Variants in CHD5 observed in about 807,000 individuals in gnomAD.
CHD5 encodes ATP-dependent chromatin remodeler CHD5.
Under a neutral mutation model 230.3 loss-of-function variants are expected in CHD5, and 69 were observed. That is an observed-to-expected ratio of 0.30 (90% confidence interval 0.25 to 0.37). The LOEUF is 0.37. Among genes scored for constraint, CHD5 ranks in the 10% least tolerant of loss-of-function variants. The probability of loss-of-function intolerance (pLI) is 1.00; values close to 1 mark genes in which losing one functional copy is unlikely to be tolerated. For missense variants in CHD5, 1,827 were observed against 2,622.8 expected (o/e 0.70, Z 6.63); for synonymous variants, 1,064 against 1,065.9 (o/e 1.00, Z 0.03).
intron 20 of CHD5, among the ~76,000 whole-genome samples, chr1:6,132,875 T>G (rs983174148): frequency 6.7e-6 from 1 of 148,194 alleles, no homozygotes; most frequent in Non-Finnish European, 1.5e-5. Flanking sequence ...GGCTATCCTA[T>G]TCTTTTCTCT....
chr1:6,148,583 G>T (rs907760436), intron 9 of CHD5, among the ~76,000 whole-genome samples: 2 of 152,190 alleles, frequency 1.3e-5, no homozygotes, highest in Admixed American at 1.3e-4. Flanking sequence ...AACAGTGGTC[G>T]CGGTGTTGGC....
intron 38 of CHD5, among the ~76,000 whole-genome samples, chr1:6,107,308 G>T (rs1219990891): frequency 7.0e-6 from 1 of 142,908 alleles, no homozygotes; most frequent in Non-Finnish European, 1.5e-5. Flanking sequence ...GAGAGATGGA[G>T]GGATGATGAA....
At chr1:6,175,354 T>A (rs1667408948) in intron 1 of CHD5, among the ~76,000 whole-genome samples, 1 of 117,900 alleles carries the variant, frequency 8.5e-6, no homozygotes, top group Non-Finnish European at 1.6e-5. Flanking sequence ...GATGAGTGGA[T>A]GGTGGATGGA....
At position 6,142,056 on chromosome 1, in the gene CHD5, G is replaced by A; in HGVS notation, c.2436+72C>T. The A allele has an allele frequency of 2.2e-6, 3 of 1,378,350 alleles. 1 individual carries two copies. The highest frequency in any genetic ancestry group is 2.4e-5 in the South Asian group (2 of 83,298). 85.4% of individuals were successfully genotyped at this position (1,378,350 alleles called of 1,614,324 possible). A position where few individuals can be genotyped will look rare whatever the true frequency, so the allele number is the denominator to read the frequency against. The stretch of plus-strand genomic sequence containing the variant: ...CCAGGCTGAGGGACCCCAAAGGAGT[G>A]CACGGCACCCGTGGTCCCTGAACTA... On this transcript the variant is annotated intron_variant, in intron 15 of 41. Transcript: ENST00000262450. The surrounding 1 kb of genome is among the most constrained non-coding windows in gnomAD (Gnocchi z 5.2).
chr1:6,159,296 G>T, intron 3 of CHD5, 40 bp downstream of exon 3: 2 of 1,549,462 alleles, frequency 1.3e-6, no homozygotes, highest in Non-Finnish European at 1.7e-6. Flanking sequence ...CCTTAAAGGG[G>T]GATGTCGCTC....
Position 6,126,755 on chromosome 1 carries a change from G to C in CHD5, c.3904-9C>G. ...TCCCGCTCCACCTCCTCCTGGGGAC[G>C]CAGCACCACGGGTTCCATGGGTGGA... is the stretch of plus-strand genomic sequence containing the variant. On this transcript the variant is annotated splice_polypyrimidine_tract_variant and intron_variant, in intron 25 of 41. Transcript: ENST00000262450. The surrounding 1 kb of genome is among the most constrained non-coding windows in gnomAD (Gnocchi z 5.7). 6.2e-7 allele frequency: 1 copy of C among 1,611,430 alleles called. No homozygotes were observed. The highest frequency in any genetic ancestry group is 1.1e-5 in the South Asian group (1 of 90,888).
At position 6,179,962 on chromosome 1, in the gene CHD5, T is replaced by G; in HGVS notation, c.62A>C (p.Asn21Thr). The G allele has an allele frequency of 6.6e-6, 9 of 1,354,516 alleles. No individual in the cohort carries two copies. The highest frequency in any genetic ancestry group is 7.7e-6 in the Non-Finnish European group (8 of 1,037,474). 83.9% of individuals were successfully genotyped at this position (1,354,516 alleles called of 1,614,324 possible). A position where few individuals can be genotyped will look rare whatever the true frequency, so the allele number is the denominator to read the frequency against. Residue 21 changes from asparagine (N) to threonine (T), a missense_variant, in exon 1 of 42, where the codon AAT (asparagine) becomes ACT (threonine). Transcript: ENST00000262450. The part of the protein sequence containing the change: ...LPRLFAEEME[N>T]EDEMSEEEDG... ...CCGCTCACCTGACATCTCGTCCTCA[T>G]TCTCCATCTCCTCGGCGAACAGCCG...
At chr1:6,165,142 G>C (rs938247695) in intron 2 of CHD5, among the ~76,000 whole-genome samples, 1 of 152,184 alleles carries the variant, frequency 6.6e-6, no homozygotes, top group Non-Finnish European at 1.5e-5. Context: ...ATGGCCCTGG[G>C]AATGAGAGCG....
chr1:6,101,841 A>C lies in CHD5; in HGVS notation c.*3633T>G, dbSNP rs1666061583. 2 of 217,788 alleles carry C rather than the reference A, an allele frequency of 9.2e-6. No individual in the cohort carries two copies. Among genetic ancestry groups the C allele is most frequent in the Non-Finnish European group, 1.9e-5 (2 of 103,200 alleles). The allele number at this position is 217,788 out of a possible 1,614,324, so 13.5% of individuals were successfully genotyped here. ...ACACAGAAAACCAAAACATACACACAGAGTACAAAGTAAAGGTGATTGTGT... is the reference window on the plus strand; with the variant it reads ...ACACAGAAAACCAAAACATACACACCGAGTACAAAGTAAAGGTGATTGTGT... On this transcript the variant is annotated 3_prime_UTR_variant, in exon 42 of 42. Coordinates refer to ENST00000262450, the MANE Select transcript of CHD5 (RefSeq NM_015557.3).
rs1666636867 is a variant in CHD5, at chr1:6,130,445, G to A, written c.3263-117C>T. On this transcript the variant is annotated intron_variant, in intron 21 of 41. Coordinates refer to ENST00000262450, the MANE Select transcript of CHD5 (RefSeq NM_015557.3). The surrounding 1 kb of genome is among the most constrained non-coding windows in gnomAD (Gnocchi z 4.9). ...GCAGCAACAGATCCCTGGCAGAGAA[G>A]GACAAAGCCGGAGACCCCATCAGAG... The A allele has an allele frequency of 1.0e-6, 1 of 960,616 alleles. No individual in the cohort carries two copies. The highest frequency in any genetic ancestry group is 1.5e-6 in the Non-Finnish European group (1 of 647,434). The allele number at this position is 960,616 out of a possible 1,614,324, so 59.5% of individuals were successfully genotyped here.
chr1:6,153,526 C>G (rs1424123418), intron 5 of CHD5, among the ~76,000 whole-genome samples: 1 of 152,168 alleles, frequency 6.6e-6, no homozygotes, highest in Non-Finnish European at 1.5e-5. Context: ...CCCCTCAGCC[C>G]CTTCCATCAA....
chr1:6,159,410 C>A lies in CHD5; in HGVS notation c.313G>T (p.Asp105Tyr). The A allele has an allele frequency of 6.4e-7, 1 of 1,558,198 alleles. No individual in the cohort carries two copies. The change falls in exon 3 of 42, where the codon GAC becomes TAC. Residue 105 changes from aspartate (D) to tyrosine (Y), a missense_variant. Transcript: ENST00000262450. ...CGCTTGGCTTTTTTCTCCTTCTTGT[C>A]CTTGAGTTTCTTCTTCTTCTTTTTA... is the stretch of plus-strand genomic sequence containing the variant. ...PNKKKKKKLK[D>Y]KKEKKAKRKK... is the part of the protein sequence containing the mutation.
rs1667050380 is a variant in CHD5, at chr1:6,154,492, A to G, written c.745+168T>C. 6.6e-6 allele frequency among the ~76,000 whole-genome samples: 1 copy of G among 152,188 alleles called. No homozygotes were observed. Among genetic ancestry groups the G allele is most frequent in the Admixed American group, 6.5e-5 (1 of 15,286 alleles). On this transcript the variant is annotated intron_variant, in intron 5 of 41. Transcript: ENST00000262450. The surrounding 1 kb of genome is among the most constrained non-coding windows in gnomAD (Gnocchi z 7.0). Reference sequence around the variant, plus strand: ...ACAAAAGAGGCGACGATGCTGCCTCACTGCTGAGAAAGGACCGGGCAATCC... The same window carrying G: ...ACAAAAGAGGCGACGATGCTGCCTCGCTGCTGAGAAAGGACCGGGCAATCC...
In CHD5 at chr1:6,134,038, G is replaced by T. The variant is rs1033007763; in HGVS notation, c.3144+90C>A. The stretch of plus-strand genomic sequence containing the variant: ...ATGGGAACGGCACTGGGCCCTGAGG[G>T]GTGCCAGCAAGTTTGCGCCCCCAAG... On this transcript the variant is annotated intron_variant, in intron 20 of 41. Coordinates refer to ENST00000262450, the MANE Select transcript of CHD5 (RefSeq NM_015557.3). The surrounding 1 kb of genome is among the most constrained non-coding windows in gnomAD (Gnocchi z 6.3). 23 of 1,318,352 alleles carry T rather than the reference G, an allele frequency of 1.7e-5. No individual in the cohort carries two copies. Among genetic ancestry groups the T allele is most frequent in the Non-Finnish European group, 2.3e-5 (22 of 945,020 alleles). The allele number at this position is 1,318,352 out of a possible 1,614,324, so 81.7% of individuals were successfully genotyped here. A position where few individuals can be genotyped will look rare whatever the true frequency, so the allele number is the denominator to read the frequency against.
rs1163057447 is a variant in CHD5, at chr1:6,146,492, C to G, written c.1591-69G>C. ...TGGTCCCCTGCATCTCCCTACCCAG[C>G]TCCTCTAGCCCCAGCCCAGGTCCCA... On this transcript the variant is annotated intron_variant, in intron 10 of 41. Transcript: ENST00000262450. The surrounding 1 kb of genome is among the most constrained non-coding windows in gnomAD (Gnocchi z 5.1). 6.7e-7 allele frequency: 1 copy of G among 1,502,504 alleles called. No homozygotes were observed. Among genetic ancestry groups the G allele is most frequent in the Admixed American group, 1.7e-5 (1 of 57,384 alleles). The allele number at this position is 1,502,504 out of a possible 1,614,324, so 93.1% of individuals were successfully genotyped here. A position where few individuals can be genotyped will look rare whatever the true frequency, so the allele number is the denominator to read the frequency against.
Position 6,134,659 on chromosome 1 carries a change from CCACAGGCACCTACCATGGCGGT to C in CHD5, c.3012+37_3012+58del, listed in dbSNP as rs1353851287. The C allele has an allele frequency of 1.0e-3, 1,565 of 1,545,622 alleles. 7 individuals carry two copies. In the African/African-American group the frequency reaches 0.026, roughly 26 times the overall value. On this transcript the variant is annotated intron_variant, in intron 19 of 41. Coordinates refer to ENST00000262450, the MANE Select transcript of CHD5 (RefSeq NM_015557.3). The surrounding 1 kb of genome is among the most constrained non-coding windows in gnomAD (Gnocchi z 6.3). ...CGGCCACAGGGACCTACCATGGCGG[CCACAGGCACCTACCATGGCGGT>C]CATGGAGAAGCTGCCATGATGGCCG...
chr1:6,142,652 CA>C lies in CHD5; in HGVS notation c.2044-48del, dbSNP rs1666846757. On this transcript the variant is annotated intron_variant, in intron 13 of 41. Coordinates refer to ENST00000262450, the MANE Select transcript of CHD5 (RefSeq NM_015557.3). The surrounding 1 kb of genome is among the most constrained non-coding windows in gnomAD (Gnocchi z 5.2). ...AGACACGCCCCAGATCCTGGGCCAC[CA>C]GAGTCCACACTACAGGCCTTTGCAC... 1.3e-6 allele frequency: 2 copies of C among 1,570,178 alleles called. No homozygotes were observed. The highest frequency in any genetic ancestry group is 2.3e-5 in the South Asian group (2 of 85,182).
chr1:6,118,378 CAAAAA>C (rs60950909), intron 33 of CHD5, among the ~76,000 whole-genome samples: 2 of 79,194 alleles, frequency 2.5e-5, no homozygotes, highest in South Asian at 4.1e-4. Flanking sequence ...GACCCTGTCT[CAAAAA>C]AAAAAAAAAA....
In CHD5 at chr1:6,159,279, T is replaced by C. The variant is rs1571166669; in HGVS notation, c.387+57A>G. The stretch of plus-strand genomic sequence containing the variant: ...CACACAGAACATACAGGCAAGAGGC[T>C]CAGCCCCCTTAAAGGGGGATGTCGC... On this transcript the variant is annotated intron_variant, in intron 3 of 41. Coordinates refer to ENST00000262450, the MANE Select transcript of CHD5 (RefSeq NM_015557.3). The C allele has an allele frequency of 3.2e-6, 5 of 1,545,038 alleles. No individual in the cohort carries two copies. In the East Asian group the frequency reaches 1.2e-4, roughly 38 times the overall value.
Sources: gnomAD v4.1 joint callset for allele counts (sites outside exome capture counted in the v4.1 genomes callset) on GRCh38, gnomAD v4.1.1 for gene constraint, Gnocchi (gnomAD v3.1) non-coding constraint, MANE v1.5 for transcripts, NCBI Gene and HGNC (gene_info 2026-07-23, HGNC 2026-07-21) for gene names.